AGMO: variants seen among roughly 807,000 people sequenced by gnomAD.
The protein encoded by AGMO is alkylglycerol monooxygenase.
A neutral mutation model predicts 60.2 loss-of-function variants in AGMO; 75 were observed. The observed-to-expected ratio is 1.25, with a 90% CI of 1.03 to 1.51. AGMO has a LOEUF of 1.51. Ranked by LOEUF, AGMO falls within the 40% of genes most tolerant of loss-of-function variation. The pLI is 0.00. For missense variants in AGMO, 763 were observed against 525.5 expected (o/e 1.45, Z -4.42); for synonymous variants, 261 against 177.1 (o/e 1.47, Z -3.76).
At chr7:15,441,502 T>C (rs1781553193) in intron 3 of AGMO, among the ~76,000 whole-genome samples, 1 of 152,190 alleles carries the variant, frequency 6.6e-6, no homozygotes, top group Non-Finnish European at 1.5e-5. Context: ...TTTACATAGA[T>C]TGAAAGCAAG....
chr7:15,188,695 A>G, the AGMO span, among the ~76,000 whole-genome samples: 1 of 152,094 alleles, frequency 6.6e-6, no homozygotes, highest in African/African-American at 2.4e-5. Context: ...ATTGCATCCC[A>G]AAAGGCTCAT....
intron 3 of AGMO, among the ~76,000 whole-genome samples, chr7:15,510,289 C>A (rs898545174): frequency 6.6e-6 from 1 of 151,994 alleles, no homozygotes; most frequent in Non-Finnish European, 1.5e-5. Context: ...CTTCTGCCTC[C>A]CTAGTAGCTA....
chr7:15,172,250 G>C, the AGMO span, among the ~76,000 whole-genome samples: 3 of 152,176 alleles, frequency 2.0e-5, no homozygotes, highest in African/African-American at 7.2e-5. Context: ...TCCAGGCAGA[G>C]GTACAGAGCT....
chr7:15,177,868 T>C, the AGMO span, among the ~76,000 whole-genome samples: 3 of 152,126 alleles, frequency 2.0e-5, no homozygotes, highest in Non-Finnish European at 4.4e-5. Context: ...AAAGAGTGTT[T>C]ACTACATAAT....
At chr7:15,266,278 G>C (rs1001239118) in intron 12 of AGMO, among the ~76,000 whole-genome samples, 4 of 151,984 alleles carry the variant, frequency 2.6e-5, no homozygotes, top group African/African-American at 9.7e-5. Flanking sequence ...AAGATGAAAA[G>C]AGTTCTGGAG....
At chr7:15,179,837 G>A in the AGMO span, among the ~76,000 whole-genome samples, 1 of 152,088 alleles carries the variant, frequency 6.6e-6, no homozygotes, top group East Asian at 1.9e-4. Flanking sequence ...TTATCAACCG[G>A]TAGACACTGC....
intron 3 of AGMO, among the ~76,000 whole-genome samples, chr7:15,462,063 T>TG (rs1782157293): frequency 6.6e-6 from 1 of 151,092 alleles, no homozygotes; most frequent in South Asian, 2.1e-4. Flanking sequence ...TTGGAAAAGG[T>TG]AAAAAAAAAT....
the AGMO span, among the ~76,000 whole-genome samples, chr7:15,192,405 T>G: frequency 6.6e-6 from 1 of 151,962 alleles, no homozygotes. Context: ...TGGGGATGGT[T>G]GGAGAGATCA....
chr7:15,464,238 T>A (rs190922681), intron 3 of AGMO, among the ~76,000 whole-genome samples: 3 of 152,326 alleles, frequency 2.0e-5, no homozygotes, highest in African/African-American at 7.2e-5. Flanking sequence ...TACCAAAGGC[T>A]TTTAGCTCAT....
intron 12 of AGMO, among the ~76,000 whole-genome samples, chr7:15,225,125 T>C (rs1175228471): frequency 6.6e-6 from 1 of 151,956 alleles, no homozygotes; most frequent in East Asian, 1.9e-4. Flanking sequence ...TTATACTAAA[T>C]ATATTGTTTG....
chr7:15,555,505 GATA>G (rs1785109337), intron 2 of AGMO, among the ~76,000 whole-genome samples: 2 of 151,820 alleles, frequency 1.3e-5, no homozygotes, highest in Admixed American at 1.3e-4. Context: ...TAATAAGAAA[GATA>G]ATATTACCTT....
At chr7:15,387,258 TTAAG>T (rs1783954031) in intron 9 of AGMO, 144 bp downstream of exon 9, 26 of 861,274 alleles carry the variant, frequency 3.0e-5, no homozygotes, top group East Asian at 1.2e-4. Flanking sequence ...TGGATACTCA[TTAAG>T]TAAGTTATGC....
chr7:15,187,077 T>C, the AGMO span, among the ~76,000 whole-genome samples: 11 of 152,340 alleles, frequency 7.2e-5, no homozygotes, highest in East Asian at 2.1e-3. Flanking sequence ...AATTTAAAAA[T>C]GTAAATAAAC....
intron 3 of AGMO, among the ~76,000 whole-genome samples, chr7:15,445,103 T>C (rs1781662299): frequency 6.6e-6 from 1 of 151,822 alleles, no homozygotes; most frequent in South Asian, 2.1e-4. Flanking sequence ...CATTAGCTTG[T>C]GATAGTGTCT....
chr7:15,479,556 G>T (rs1370460836), intron 3 of AGMO, among the ~76,000 whole-genome samples: 1 of 152,106 alleles, frequency 6.6e-6, no homozygotes, highest in Non-Finnish European at 1.5e-5. Flanking sequence ...AAATTTGAAA[G>T]GGATCATCAT....
chr7:15,394,693 TTA>T (rs1183013562), intron 5 of AGMO, among the ~76,000 whole-genome samples: 4 of 152,120 alleles, frequency 2.6e-5, no homozygotes, highest in South Asian at 2.1e-4. Flanking sequence ...AACAACTGTG[TTA>T]TGTTTCCCGG....
At chr7:15,399,143 A>G (rs1784483995) in intron 5 of AGMO, among the ~76,000 whole-genome samples, 1 of 152,156 alleles carries the variant, frequency 6.6e-6, no homozygotes, top group African/African-American at 2.4e-5. Flanking sequence ...TGCTCTAAAT[A>G]TTGTATTCTG....
chr7:15,353,477 G>A (rs1408597672), intron 12 of AGMO, among the ~76,000 whole-genome samples: 1 of 151,996 alleles, frequency 6.6e-6, no homozygotes, highest in Non-Finnish European at 1.5e-5. Context: ...CTCTTGGGGG[G>A]AATCCCTGCC....
intron 12 of AGMO, 62 bp from the exon 13 acceptor site, chr7:15,201,421 T>C: frequency 8.4e-7 from 1 of 1,188,212 alleles, no homozygotes; most frequent in Admixed American, 1.9e-5. Context: ...ATTGCTCAAC[T>C]GAATTAAAAA....
Sources: allele counts gnomAD v4.1 joint callset (sites outside exome capture counted in the v4.1 genomes callset), GRCh38; gene constraint gnomAD v4.1.1; transcripts MANE v1.5; gene names NCBI Gene and HGNC (gene_info 2026-07-23, HGNC 2026-07-21).